Variants in CACNA1S observed in about 807,000 individuals in gnomAD.
CACNA1S encodes voltage-dependent L-type calcium channel subunit alpha-1S.
Under a neutral mutation model 207.4 loss-of-function variants are expected in CACNA1S, and 126 were observed. The observed-to-expected ratio is 0.61, with a 90% CI of 0.53 to 0.70. The LOEUF is 0.70. Among genes scored for constraint, CACNA1S ranks in the 30% least tolerant of loss-of-function variants. The probability of loss-of-function intolerance (pLI) is 0.00; values close to 1 mark genes in which losing one functional copy is unlikely to be tolerated. For synonymous variants in CACNA1S, 960 were observed against 932.7 expected (o/e 1.03, Z -0.53); for missense variants, 2,349 against 2,422.8 (o/e 0.97, Z 0.64).
intron 7 of CACNA1S, among the ~76,000 whole-genome samples, chr1:201,086,833 C>A (rs1394305997): frequency 1.3e-5 from 2 of 152,182 alleles, no homozygotes; most frequent in East Asian, 3.8e-4. Flanking sequence ...CTATTCGCAA[C>A]AACTGTAATG....
rs1661258507 is a variant in CACNA1S at position 201,066,787 on chromosome 1, GT to G, written c.2657+99del. 4.6e-6 allele frequency: 4 copies of G among 868,044 alleles called. No individual in the cohort carries two copies. In the Admixed American group the frequency reaches 8.0e-5, roughly 17 times the overall value. The allele number at this position is 868,044 out of a possible 1,614,324, so 53.8% of individuals were successfully genotyped here. A position where few individuals can be genotyped will look rare whatever the true frequency, so the allele number is the denominator to read the frequency against. Reference sequence around the variant, plus strand: ...GGAGGCCCCGAGAGACCCTCCTCTTGTGGCAGGGGCCCACCAACATGGGTGG... The same window carrying G: ...GGAGGCCCCGAGAGACCCTCCTCTTGGGCAGGGGCCCACCAACATGGGTGG... On this transcript the variant is annotated intron_variant, in intron 20 of 43. Transcript: ENST00000362061. This position sits in a 1 kb window ranked among gnomAD's most constrained non-coding sequence, Gnocchi z 4.3.
intron 12 of CACNA1S, among the ~76,000 whole-genome samples, 165 bp downstream of exon 12, chr1:201,076,755 T>C (rs1171398549): frequency 2.6e-5 from 4 of 152,104 alleles, no homozygotes; most frequent in Non-Finnish European, 5.9e-5. Flanking sequence ...AGTGTTACAA[T>C]GGAGAGAAGC....
chr1:201,084,827 G>T (rs947011083), intron 9 of CACNA1S, 123 bp downstream of exon 9: 6 of 727,314 alleles, frequency 8.2e-6, no homozygotes, highest in Admixed American at 2.1e-5. Flanking sequence ...TCTTAAAAAG[G>T]CTGCCTTTCT....
chr1:201,091,979 C>G lies in CACNA1S; in HGVS notation c.534G>C (p.Gly178=). 1 of 1,614,098 alleles carries G rather than the reference C, an allele frequency of 6.2e-7. No homozygotes were observed. The highest frequency in any genetic ancestry group is 8.5e-7 in the Non-Finnish European group (1 of 1,179,992). Residue 178 remains glycine, a synonymous_variant, in exon 4 of 44, where the codon GGG becomes GGC. Transcript: ENST00000362061. ...RVLRPLRLVS[G]VPSLQVVLNS... Reference sequence around the variant, plus strand: ...AGGGACACTGCCACCCACTAGGCACCCCCGACACCAGCCGGAGGGGTCTGA... The same window carrying G: ...AGGGACACTGCCACCCACTAGGCACGCCCGACACCAGCCGGAGGGGTCTGA...
rs199691275 is a variant in CACNA1S at position 201,043,471 on chromosome 1, G to C, written c.4858C>G (p.Pro1620Ala). 23 of 1,614,036 alleles carry C rather than the reference G, an allele frequency of 1.4e-5. No individual in the cohort carries two copies. The African/African-American group carries it at 3.1e-4, about 22-fold the overall frequency. ...NFLERTNSLP[P>A]VMANQRPLQF... is the part of the protein sequence containing the mutation. ...AGGGGTCTCTGATTGGCCATGACGG[G>C]GGGCAGGGAGTTGGTCCTTTCCAGG... Residue 1620 changes from proline (P) to alanine (A), a missense_variant, in exon 40 of 44, where the codon CCC (proline) becomes GCC (alanine). Physicochemically the swap from Pro to Ala is conservative, Grantham distance 27. Transcript: ENST00000362061.
intron 19 of CACNA1S, among the ~76,000 whole-genome samples, 159 bp downstream of exon 19, chr1:201,068,978 A>G (rs1045772268): frequency 6.6e-6 from 1 of 152,172 alleles, no homozygotes; most frequent in East Asian, 1.9e-4. Context: ...CCCTCCATCC[A>G]GATACTTGTG....
Position 201,063,676 on chromosome 1 carries a change from C to T in CACNA1S, c.2854-1162G>A, listed in dbSNP as rs140206356. Reference sequence around the variant, plus strand: ...TTCAAAGACCCAGATAGGGAAACTGCCTCGGCCAAGGACACAGCACTAGTT... The same window carrying T: ...TTCAAAGACCCAGATAGGGAAACTGTCTCGGCCAAGGACACAGCACTAGTT... On this transcript the variant is annotated intron_variant, in intron 22 of 43. Transcript: ENST00000362061. Among the ~76,000 whole-genome samples the T allele has an allele frequency of 1.8e-3, 276 of 152,312 alleles. 1 individual carries two copies. Among genetic ancestry groups the T allele is most frequent in the Non-Finnish European group, 3.4e-3 (228 of 68,026 alleles).
At chr1:201,067,808 G>C (rs77394706) in intron 19 of CACNA1S, among the ~76,000 whole-genome samples, 2 of 152,096 alleles carry the variant, frequency 1.3e-5, no homozygotes, top group South Asian at 4.1e-4. Context: ...TCTTGACCTC[G>C]AGGAAGCCAC....
At chr1:201,074,977 C>T (rs1194581489) in intron 13 of CACNA1S, among the ~76,000 whole-genome samples, 1 of 152,184 alleles carries the variant, frequency 6.6e-6, no homozygotes, top group Non-Finnish European at 1.5e-5. Context: ...CATAGTATCA[C>T]ATTCCAAGGT....
chr1:201,099,709 C>T (rs907216553), intron 2 of CACNA1S, among the ~76,000 whole-genome samples: 8 of 152,210 alleles, frequency 5.3e-5, no homozygotes, highest in Non-Finnish European at 1.5e-5. Context: ...AAGCTCTCCA[C>T]ACAGGCTTGG....
At chr1:201,098,148 G>A (rs184356585) in intron 2 of CACNA1S, among the ~76,000 whole-genome samples, 1 of 152,328 alleles carries the variant, frequency 6.6e-6, no homozygotes, top group East Asian at 1.9e-4. Context: ...TGAGAGCAGG[G>A]ACTTAGCTCT....
intron 10 of CACNA1S, 113 bp downstream of exon 10, chr1:201,083,049 A>G: frequency 9.1e-7 from 1 of 1,102,628 alleles, no homozygotes; most frequent in Non-Finnish European, 1.4e-6. Context: ...TAGAAAAATG[A>G]TGTCAATATC....
At chr1:201,070,799 A>G (rs1016143230) in intron 16 of CACNA1S, among the ~76,000 whole-genome samples, 6 of 152,188 alleles carry the variant, frequency 3.9e-5, no homozygotes, top group Admixed American at 6.5e-5. Flanking sequence ...CTTGCTGTGC[A>G]GTGCTGGGAA....
chr1:201,107,114 G>T (rs1197128804), intron 2 of CACNA1S, among the ~76,000 whole-genome samples: 1 of 152,246 alleles, frequency 6.6e-6, no homozygotes, highest in Non-Finnish European at 1.5e-5. Context: ...TTCCAAGCTT[G>T]AGGTGCATGT....
At chr1:201,054,217 C>T (rs1392858945) in intron 29 of CACNA1S, among the ~76,000 whole-genome samples, 3 of 152,324 alleles carry the variant, frequency 2.0e-5, no homozygotes, top group South Asian at 2.1e-4. Context: ...CCTTTGCCAG[C>T]GATCACAGTT....
rs1661495809 is a variant in CACNA1S, at chr1:201,073,565, A to T, written c.2141T>A (p.Ile714Asn). 2 of 1,613,534 alleles carry T rather than the reference A, an allele frequency of 1.2e-6. No individual in the cohort carries two copies. Among genetic ancestry groups the T allele is most frequent in the Admixed American group, 3.3e-5 (2 of 60,012 alleles). ...KLEQKPKGEGIPTTAKLKIDE... is the reference protein window; with the variant it reads ...KLEQKPKGEGNPTTAKLKIDE... Reference sequence around the variant, plus strand: ...GGTGCTCACCTTGGCAGTGGTGGGGATGCCCTCACCCTTGGGTTTCTGCTC... The same window carrying T: ...GGTGCTCACCTTGGCAGTGGTGGGGTTGCCCTCACCCTTGGGTTTCTGCTC... The change falls in exon 15 of 44, where the codon ATC becomes AAC. Residue 714 changes from isoleucine (I) to asparagine (N), a missense_variant. Physicochemically the swap from Ile to Asn is moderately radical, Grantham distance 149. Transcript: ENST00000362061.
rs182225461 is a variant in CACNA1S, at chr1:201,051,190, C to T, written c.3954-47G>A. On this transcript the variant is annotated intron_variant, in intron 32 of 43. Transcript: ENST00000362061. Reference sequence around the variant, plus strand: ...TGTCACCTATCTGCTCCTGCCTGGCCCCTCAGAAGGCTGGCAGTCAGGTGG... The same window carrying T: ...TGTCACCTATCTGCTCCTGCCTGGCTCCTCAGAAGGCTGGCAGTCAGGTGG... 941 of 1,607,828 alleles carry T rather than the reference C, an allele frequency of 5.9e-4. 5 individuals carry two copies. Among genetic ancestry groups the T allele is most frequent in the Non-Finnish European group, 2.0e-4 (236 of 1,174,612 alleles).
At position 201,066,481 on chromosome 1, in the gene CACNA1S, C is replaced by T. The variant is rs992468900; in HGVS notation, c.2658-165G>A. On this transcript the variant is annotated intron_variant, in intron 20 of 43. Transcript: ENST00000362061. This position sits in a 1 kb window ranked among gnomAD's most constrained non-coding sequence, Gnocchi z 4.3. ...CCTCCAGCCGTGAGAGTGTGCCCGA[C>T]TCCAGGGCACAGCCACCCCTGCTAT... is the stretch of plus-strand genomic sequence containing the variant. Among the ~76,000 whole-genome samples, 2 of 152,122 alleles carry T rather than the reference C, an allele frequency of 1.3e-5. No homozygotes were observed. The highest frequency in any genetic ancestry group is 2.4e-5 in the African/African-American group (1 of 41,420).
Position 201,044,351 on chromosome 1 carries a change from C to T in CACNA1S, c.4774G>A (p.Ala1592Thr). Residue 1592 changes from alanine to threonine, a missense_variant, in exon 39 of 44, where the codon GCG (alanine) becomes ACG (threonine). By Grantham distance (58) the Ala-to-Thr change is moderately conservative. Coordinates refer to ENST00000362061, the MANE Select transcript of CACNA1S (RefSeq NM_000069.3). ...ACCCGGAATATTCCCTCCTCCATCG[C>T]AGCCTCCACCATGGCTCTCTCCAGC... Reference protein sequence around the residue: ...EELERAMVEAAMEEGIFRRTG... With the variant: ...EELERAMVEATMEEGIFRRTG... 5 of 1,613,786 alleles carry T rather than the reference C, an allele frequency of 3.1e-6. No homozygotes were observed. Among genetic ancestry groups the T allele is most frequent in the Non-Finnish European group, 4.2e-6 (5 of 1,179,862 alleles).
Sources: gnomAD v4.1 joint callset for allele counts (sites outside exome capture counted in the v4.1 genomes callset) on GRCh38, gnomAD v4.1.1 for gene constraint, Gnocchi (gnomAD v3.1) non-coding constraint, MANE v1.5 for transcripts, NCBI Gene and HGNC (gene_info 2026-07-23, HGNC 2026-07-21) for gene names.